The following CLIC5 variants were observed in gnomAD, a reference collection of about 807,000 sequenced individuals.
The protein encoded by CLIC5 is chloride intracellular channel protein 5.
A neutral mutation model predicts 24.7 loss-of-function variants in CLIC5; 20 were observed. The observed-to-expected ratio is 0.81, with a 90% CI of 0.57 to 1.18. The LOEUF (loss-of-function observed/expected upper bound fraction) is 1.18, where lower values mean the gene tolerates loss of function less well. Ranked by LOEUF, CLIC5 falls within the 50% of genes most tolerant of loss-of-function variation. The pLI, the probability that CLIC5 is intolerant of heterozygous loss-of-function variation, is 0.00. For missense variants in CLIC5, 341 were observed against 326.1 expected (o/e 1.05, Z -0.35); for synonymous variants, 159 against 135.6 (o/e 1.17, Z -1.20).
chr6:46,081,792 A>C (rs760246808), upstream of CLIC5, among the ~76,000 whole-genome samples: 6 of 152,220 alleles, frequency 3.9e-5, no homozygotes, highest in Non-Finnish European at 7.3e-5. Context: ...ACAAAAACTT[A>C]ATGGCGGAGC....
chr6:45,884,078 G>T (rs531954827), intron 6 of CLIC5, among the ~76,000 whole-genome samples: 1 of 152,254 alleles, frequency 6.6e-6, no homozygotes, highest in Admixed American at 6.5e-5. Flanking sequence ...TAATGAGAGG[G>T]TCTGGGACTG....
intron 1 of CLIC5, among the ~76,000 whole-genome samples, chr6:46,054,723 C>A (rs1450395114): frequency 3.9e-5 from 6 of 152,206 alleles, no homozygotes; most frequent in African/African-American, 9.6e-5. Context: ...AAGAAGAGAA[C>A]CAGAGAGCTT....
chr6:46,068,924 T>C (rs1004294565), intron 1 of CLIC5, among the ~76,000 whole-genome samples: 4 of 152,122 alleles, frequency 2.6e-5, no homozygotes, highest in African/African-American at 9.7e-5. Context: ...TTTGAGATAC[T>C]TTATTGCAGA....
chr6:46,004,869 G>A (rs1473567804), intron 1 of CLIC5, among the ~76,000 whole-genome samples: 1 of 152,148 alleles, frequency 6.6e-6, no homozygotes, highest in African/African-American at 2.4e-5. Context: ...GTGACAAAGG[G>A]CCAAGGACAT....
chr6:45,933,349 A>G (rs1036290905), intron 4 of CLIC5, among the ~76,000 whole-genome samples: 2 of 152,228 alleles, frequency 1.3e-5, no homozygotes, highest in African/African-American at 4.8e-5. Context: ...GGTGCTTTTC[A>G]TCTGGGGACA....
intron 1 of CLIC5, among the ~76,000 whole-genome samples, chr6:45,986,747 C>T (rs1374395348): frequency 6.9e-6 from 1 of 145,376 alleles, no homozygotes; most frequent in Non-Finnish European, 1.5e-5. Flanking sequence ...TGCTCATTCA[C>T]TGGGTGGAGA....
chr6:46,110,766 G>C, the CLIC5 span, among the ~76,000 whole-genome samples: 2 of 152,120 alleles, frequency 1.3e-5, no homozygotes, highest in Non-Finnish European at 2.9e-5. Flanking sequence ...GCAAACTCTT[G>C]GCTTGATTTT....
At chr6:45,910,388 G>T (rs1762783589) in intron 5 of CLIC5, among the ~76,000 whole-genome samples, 1 of 152,146 alleles carries the variant, frequency 6.6e-6, no homozygotes, top group Non-Finnish European at 1.5e-5. Flanking sequence ...GATTAAATAG[G>T]TTGGGATTCA....
chr6:46,079,961 A>C, exon 1 of CLIC5: 3 of 1,551,714 alleles, frequency 1.9e-6, no homozygotes, highest in Non-Finnish European at 2.6e-6. Context: ...CACCTGGATG[A>C]GCCTCCTGGA....
intron 4 of CLIC5, among the ~76,000 whole-genome samples, chr6:45,916,192 T>C (rs181009512): frequency 1.3e-5 from 2 of 152,362 alleles, no homozygotes; most frequent in Admixed American, 1.3e-4. Flanking sequence ...AGGTTGGGCA[T>C]AGTTTCTCAA....
chr6:45,999,185 AC>A (rs1385756673), intron 1 of CLIC5, among the ~76,000 whole-genome samples: 1 of 152,168 alleles, frequency 6.6e-6, no homozygotes, highest in Non-Finnish European at 1.5e-5. Flanking sequence ...ATTTTATCCA[AC>A]CCTTTTATTT....
chr6:46,032,302 C>G (rs1227152685), intron 1 of CLIC5, among the ~76,000 whole-genome samples: 1 of 152,146 alleles, frequency 6.6e-6, no homozygotes, highest in African/African-American at 2.4e-5. Flanking sequence ...GGAAGTCCAC[C>G]CCCATGATCC....
chr6:46,088,324 A>G, the CLIC5 span, among the ~76,000 whole-genome samples: 1 of 152,206 alleles, frequency 6.6e-6, no homozygotes, highest in South Asian at 2.1e-4. Flanking sequence ...TTTCACTGGT[A>G]TGGGGACACA....
upstream of CLIC5, among the ~76,000 whole-genome samples, chr6:46,019,620 A>C (rs1352437357): frequency 1.4e-5 from 2 of 143,562 alleles, no homozygotes; most frequent in African/African-American, 5.1e-5. Context: ...CGGGAAGCGG[A>C]GCTTGCAGTG....
chr6:46,001,421 C>G (rs1185393879), intron 1 of CLIC5, among the ~76,000 whole-genome samples: 1 of 152,208 alleles, frequency 6.6e-6, no homozygotes, highest in East Asian at 1.9e-4. Flanking sequence ...TGAACCCCAA[C>G]TTCTTCCCTG....
chr6:45,882,047 G>T (rs1005191702), intron 6 of CLIC5, among the ~76,000 whole-genome samples: 2 of 152,006 alleles, frequency 1.3e-5, no homozygotes, highest in Non-Finnish European at 2.9e-5. Context: ...GCCAGGCAGG[G>T]CTCATTGGAA....
At chr6:46,041,705 A>G (rs1767813496) in intron 1 of CLIC5, among the ~76,000 whole-genome samples, 1 of 152,200 alleles carries the variant, frequency 6.6e-6, no homozygotes, top group South Asian at 2.1e-4. Flanking sequence ...CCGAGTATTG[A>G]TAAGTTTTGA....
chr6:45,996,905 G>A (rs916245964), intron 1 of CLIC5, among the ~76,000 whole-genome samples: 2 of 151,906 alleles, frequency 1.3e-5, no homozygotes, highest in African/African-American at 4.8e-5. Flanking sequence ...CATTGTTGGT[G>A]GGACTGTAAA....
At chr6:46,025,247 T>G (rs1385359277) in intron 1 of CLIC5, among the ~76,000 whole-genome samples, 1 of 152,170 alleles carries the variant, frequency 6.6e-6, no homozygotes, top group Non-Finnish European at 1.5e-5. Context: ...ATATGTATAA[T>G]GCACCCAACA....
Sources: gnomAD v4.1 joint callset for allele counts (sites outside exome capture counted in the v4.1 genomes callset) on GRCh38, gnomAD v4.1.1 for gene constraint, MANE v1.5 for transcripts, NCBI Gene and HGNC (gene_info 2026-07-23, HGNC 2026-07-21) for gene names.